HIF1A: variants seen among roughly 807,000 people sequenced by gnomAD.
The protein encoded by HIF1A is hypoxia inducible factor 1 subunit alpha.
In HIF1A, 24 loss-of-function variants were observed where a neutral mutation model predicts 92.7. That is an observed-to-expected ratio of 0.26 (90% CI 0.19 to 0.36). The LOEUF (loss-of-function observed/expected upper bound fraction) is 0.36. Ranked by LOEUF, HIF1A falls within the 10% of genes least tolerant of loss-of-function variation. HIF1A has a pLI of 1.00. For synonymous variants in HIF1A, 319 were observed against 338.7 expected (o/e 0.94, Z 0.64); for missense variants, 799 against 998.5 (o/e 0.80, Z 2.69).
chr14:61,731,195 A>T (rs752884134), intron 6 of HIF1A, among the ~76,000 whole-genome samples: 42 of 152,046 alleles, frequency 2.8e-4, no homozygotes, highest in Non-Finnish European at 5.3e-4. Flanking sequence ...AGCATGTTAT[A>T]TAAGGTTTGC....
At chr14:61,703,769 G>A (rs1306367096) in intron 1 of HIF1A, among the ~76,000 whole-genome samples, 1 of 152,066 alleles carries the variant, frequency 6.6e-6, no homozygotes, top group Admixed American at 6.6e-5. Flanking sequence ...CATATTTGAT[G>A]GTCTTCTTGT....
chr14:61,698,281 G>C (rs547697032), intron 1 of HIF1A, among the ~76,000 whole-genome samples: 3 of 152,268 alleles, frequency 2.0e-5, no homozygotes, highest in South Asian at 4.1e-4. Context: ...TTTTGTTTGA[G>C]GAAGCAGCAT....
chr14:61,737,630 C>G (rs952537788), intron 9 of HIF1A, among the ~76,000 whole-genome samples: 2 of 152,132 alleles, frequency 1.3e-5, no homozygotes, highest in African/African-American at 4.8e-5. Context: ...TTATACTATA[C>G]TATTGTATGT....
chr14:61,704,750 A>C (rs1029092845), intron 1 of HIF1A, among the ~76,000 whole-genome samples: 4 of 152,192 alleles, frequency 2.6e-5, no homozygotes, highest in Admixed American at 2.6e-4. Flanking sequence ...CCTAACTATT[A>C]TACTATGTCC....
At chr14:61,699,771 G>A (rs2044158493) in intron 1 of HIF1A, among the ~76,000 whole-genome samples, 1 of 152,070 alleles carries the variant, frequency 6.6e-6, no homozygotes, top group Non-Finnish European at 1.5e-5. Context: ...GTGTGTATGT[G>A]TTTTCTGCTT....
chr14:61,742,020 T>G (rs1259431009), intron 12 of HIF1A, among the ~76,000 whole-genome samples: 2 of 152,200 alleles, frequency 1.3e-5, no homozygotes, highest in Admixed American at 1.3e-4. Context: ...GTTGCTTTTA[T>G]TTTTCATTAC....
At chr14:61,704,909 A>T (rs1035589730) in intron 1 of HIF1A, among the ~76,000 whole-genome samples, 2 of 152,134 alleles carry the variant, frequency 1.3e-5, no homozygotes, top group Admixed American at 1.3e-4. Flanking sequence ...TTCCATTTTT[A>T]AATTTTCAGT....
chr14:61,704,919 T>G (rs1339285166), intron 1 of HIF1A, among the ~76,000 whole-genome samples: 1 of 152,196 alleles, frequency 6.6e-6, no homozygotes, highest in Non-Finnish European at 1.5e-5. Context: ...AAATTTTCAG[T>G]TCATTGCACT....
intron 4 of HIF1A, among the ~76,000 whole-genome samples, chr14:61,725,000 C>T (rs1380806567): frequency 6.6e-6 from 1 of 152,166 alleles, no homozygotes; most frequent in Non-Finnish European, 1.5e-5. Context: ...ACATTGTGGA[C>T]AAACTACTAT....
rs759251570 is a variant in HIF1A at position 61,732,448 on chromosome 14, A to G, written c.804A>G (p.Glu268=). ...CCGAATTGATGGGATATGAGCCAGA[A>G]GAACTTTTAGGCCGCTCAATTTATG... ...RITELMGYEP[E]ELLGRSIYEY... is the part of the protein sequence containing the mutation. Residue 268 remains glutamate (E), a synonymous_variant, in exon 7 of 15, where the codon GAA becomes GAG. Coordinates refer to ENST00000337138, the MANE Select transcript of HIF1A (RefSeq NM_001530.4). The G allele has an allele frequency of 5.6e-6, 9 of 1,610,938 alleles. No homozygotes were observed. The East Asian group carries it at 2.0e-4, about 36-fold the overall frequency.
intron 14 of HIF1A, among the ~76,000 whole-genome samples, chr14:61,746,084 C>T (rs1287415907): frequency 2.0e-5 from 3 of 151,838 alleles, no homozygotes; most frequent in Admixed American, 6.6e-5. Context: ...ATTAGCTGGG[C>T]GTGGTGGCGG....
intron 1 of HIF1A, among the ~76,000 whole-genome samples, chr14:61,697,368 C>T (rs1447936100): frequency 6.6e-6 from 1 of 152,060 alleles, no homozygotes; most frequent in Non-Finnish European, 1.5e-5. Context: ...TATTGTAAAC[C>T]TAAGGCAGAT....
chr14:61,705,409 C>T (rs938548288), intron 1 of HIF1A, among the ~76,000 whole-genome samples: 2 of 150,962 alleles, frequency 1.3e-5, no homozygotes, highest in Non-Finnish European at 3.0e-5. Flanking sequence ...TTCAACACTG[C>T]TTTAACTCTA....
intron 1 of HIF1A, among the ~76,000 whole-genome samples, chr14:61,718,843 G>T (rs569516395): frequency 6.6e-6 from 1 of 152,032 alleles, no homozygotes; most frequent in Admixed American, 6.6e-5. Context: ...ATAGCTCACC[G>T]TAAATTTCAA....
chr14:61,737,980 T>C (rs1337786433), intron 9 of HIF1A, 107 bp from the exon 10 acceptor site: 3 of 849,226 alleles, frequency 3.5e-6, no homozygotes, highest in Non-Finnish European at 3.6e-6. Context: ...TGAGCCAAGA[T>C]TGCGCCATTG....
At position 61,695,756 on chromosome 14, in the gene HIF1A, C is replaced by A; in HGVS notation, c.-49C>A. On this transcript the variant is annotated 5_prime_UTR_variant, in exon 1 of 15. Coordinates refer to ENST00000337138, the MANE Select transcript of HIF1A (RefSeq NM_001530.4). ...GAGGGAGCCAGCGCTTAGGCCGGAG[C>A]GAGCCTGGGGGCCGCCCGCCGTGAA... 6.4e-7 allele frequency: 1 copy of A among 1,562,088 alleles called. No homozygotes were observed. Among genetic ancestry groups the A allele is most frequent in the East Asian group, 2.3e-5 (1 of 42,662 alleles).
intron 4 of HIF1A, among the ~76,000 whole-genome samples, chr14:61,725,801 CTTAA>C (rs1480619427): frequency 6.6e-6 from 1 of 151,496 alleles, no homozygotes; most frequent in African/African-American, 2.4e-5. Flanking sequence ...ATAGACTTTA[CTTAA>C]TTCTGACTTT....
chr14:61,740,379 TTGATAAACACGA>T, intron 10 of HIF1A, 114 bp from the exon 11 acceptor site: 1 of 717,458 alleles, frequency 1.4e-6, no homozygotes. Context: ...TAAATAAAAT[TTGATAAACACGA>T]TGGACTTGGT....
chr14:61,744,962 A>T (rs1293846123), intron 13 of HIF1A, 149 bp downstream of exon 13: 1 of 481,254 alleles, frequency 2.1e-6, no homozygotes. Context: ...TTTACTCTGT[A>T]TGCACTGGTT....
Sources: gnomAD v4.1 joint callset for allele counts (sites outside exome capture counted in the v4.1 genomes callset) on GRCh38, gnomAD v4.1.1 for gene constraint, MANE v1.5 for transcripts, NCBI Gene and HGNC (gene_info 2026-07-23, HGNC 2026-07-21) for gene names.